IL1RAPL2: variants seen among roughly 807,000 people sequenced by gnomAD.
IL1RAPL2 encodes the protein interleukin 1 receptor accessory protein like 2.
In IL1RAPL2, 3 loss-of-function variants were observed where a neutral mutation model predicts 44.1. The ratio of observed to expected loss-of-function variants is 0.07; its 90% confidence interval spans 0.03 to 0.18. IL1RAPL2 has a LOEUF of 0.18. Among genes scored for constraint, IL1RAPL2 ranks in the 10% least tolerant of loss-of-function variants. The pLI, the probability that IL1RAPL2 is intolerant of heterozygous loss-of-function variation, is 1.00. For synonymous variants in IL1RAPL2, 181 were observed against 178.8 expected (o/e 1.01, Z -0.10); for missense variants, 391 against 496.4 (o/e 0.79, Z 2.02).
intron 2 of IL1RAPL2, among the ~76,000 whole-genome samples, chrX:104,784,787 T>C (rs966694893): frequency 9.2e-6 from 1 of 108,186 alleles, no homozygotes; most frequent in African/African-American, 3.4e-5. Context: ...GAAAAATCTC[T>C]AAACATCTGT....
At chrX:105,754,995 A>T (rs1371672901) in intron 9 of IL1RAPL2, among the ~76,000 whole-genome samples, 182 bp from the exon 10 acceptor site, 1 of 112,311 alleles carries the variant, frequency 8.9e-6, no homozygotes, top group East Asian at 2.8e-4. Flanking sequence ...CCATTGCATA[A>T]GTTTCAATTC....
chrX:104,890,230 C>T (rs764839280), intron 2 of IL1RAPL2, among the ~76,000 whole-genome samples: 1 of 111,540 alleles, frequency 9.0e-6, no homozygotes, highest in African/African-American at 3.3e-5. Flanking sequence ...CAAGTTTTTG[C>T]TATCGTGAAT....
chrX:105,352,283 C>G (rs2035162214), intron 5 of IL1RAPL2, among the ~76,000 whole-genome samples: 1 of 111,337 alleles, frequency 9.0e-6, no homozygotes, highest in Admixed American at 9.6e-5. Context: ...AATCTGAAAG[C>G]TACTCATTTC....
At chrX:104,948,711 G>C (rs1377675207) in intron 2 of IL1RAPL2, among the ~76,000 whole-genome samples, 2 of 110,863 alleles carry the variant, frequency 1.8e-5, no homozygotes, top group East Asian at 5.7e-4. Context: ...TTTATATGCT[G>C]GATTACGTTT....
intron 2 of IL1RAPL2, among the ~76,000 whole-genome samples, chrX:104,830,512 C>G (rs1921576319): frequency 9.0e-6 from 1 of 111,158 alleles, no homozygotes; most frequent in South Asian, 3.8e-4. Context: ...TCTTATGTCC[C>G]CAAGAAAATT....
chrX:105,113,039 A>G (rs1326349086), intron 2 of IL1RAPL2, among the ~76,000 whole-genome samples: 3 of 112,695 alleles, frequency 2.7e-5, no homozygotes, highest in South Asian at 3.7e-4. Flanking sequence ...TCTGGTAACC[A>G]AAAGCAAGCA....
intron 2 of IL1RAPL2, among the ~76,000 whole-genome samples, chrX:104,676,591 T>C (rs1367826043): frequency 9.0e-6 from 1 of 111,528 alleles, no homozygotes; most frequent in African/African-American, 3.3e-5. Context: ...GAGTTTATCT[T>C]CTCGAGGAGT....
At chrX:105,434,155 C>A (rs1215847610) in intron 5 of IL1RAPL2, among the ~76,000 whole-genome samples, 1 of 111,789 alleles carries the variant, frequency 8.9e-6, no homozygotes, top group Non-Finnish European at 1.9e-5. Flanking sequence ...TAGAGAAAAG[C>A]AAGTTAAGAC....
intron 6 of IL1RAPL2, among the ~76,000 whole-genome samples, chrX:105,630,579 A>G (rs779183659): frequency 9.3e-6 from 1 of 107,211 alleles, no homozygotes; most frequent in Non-Finnish European, 1.9e-5. Context: ...GAAAGGCGCT[A>G]GGGAGAATAA....
At chrX:104,583,185 G>T (rs940209072) in intron 1 of IL1RAPL2, among the ~76,000 whole-genome samples, 2 of 110,483 alleles carry the variant, frequency 1.8e-5, no homozygotes, top group African/African-American at 6.6e-5. Context: ...ACCATGCTTG[G>T]CCCAGGTTTT....
intron 2 of IL1RAPL2, among the ~76,000 whole-genome samples, chrX:104,874,944 G>T (rs1197807824): frequency 1.8e-5 from 2 of 111,612 alleles, no homozygotes; most frequent in Non-Finnish European, 3.8e-5. Context: ...TTTTAGTGGG[G>T]TATACTTATG....
intron 2 of IL1RAPL2, among the ~76,000 whole-genome samples, chrX:104,960,051 A>T (rs891179946): frequency 8.9e-6 from 1 of 112,226 alleles, no homozygotes; most frequent in African/African-American, 3.2e-5. Context: ...TACTGGAAAT[A>T]CACTTATTTA....
At chrX:105,638,587 T>C (rs1801772645) in intron 6 of IL1RAPL2, among the ~76,000 whole-genome samples, 1 of 111,925 alleles carries the variant, frequency 8.9e-6, no homozygotes, top group Non-Finnish European at 1.9e-5. Flanking sequence ...CTAATCAACA[T>C]GAAAGCATTT....
At chrX:105,600,271 C>T (rs949676362) in intron 6 of IL1RAPL2, among the ~76,000 whole-genome samples, 1 of 110,514 alleles carries the variant, frequency 9.0e-6, no homozygotes, top group Non-Finnish European at 1.9e-5. Context: ...CTTCAGTGAA[C>T]ATTTTTATAC....
intron 4 of IL1RAPL2, among the ~76,000 whole-genome samples, chrX:105,247,643 G>T (rs192110707): frequency 1.5e-4 from 15 of 101,018 alleles, no homozygotes. Flanking sequence ...GTGTGTGTGT[G>T]TCTGTATTTA....
chrX:105,542,803 G>A (rs2036755276), intron 6 of IL1RAPL2, among the ~76,000 whole-genome samples: 1 of 102,333 alleles, frequency 9.8e-6, no homozygotes, highest in African/African-American at 3.5e-5. Context: ...GCGGGATCTC[G>A]GCTCACTGCA....
At chrX:104,596,703 C>A (rs1477295454) in intron 1 of IL1RAPL2, among the ~76,000 whole-genome samples, 2 of 111,412 alleles carry the variant, frequency 1.8e-5, no homozygotes, top group African/African-American at 6.5e-5. Flanking sequence ...TTCTCTTGAA[C>A]CCTGGCTCTT....
At position 105,042,272 on chromosome X, in the gene IL1RAPL2, C is replaced by T. The variant is rs778407355; in HGVS notation, c.83-153203C>T. Among the ~76,000 whole-genome samples the T allele has an allele frequency of 7.2e-4, 78 of 108,494 alleles. No individual in the cohort carries two copies. In the South Asian group the frequency reaches 0.02, roughly 27 times the overall value. 94.2% of individuals were successfully genotyped at this position (108,494 alleles called of 115,157 possible). A position where few individuals can be genotyped will look rare whatever the true frequency, so the allele number is the denominator to read the frequency against. On this transcript the variant is annotated intron_variant, in intron 2 of 10. Coordinates refer to ENST00000372582, the MANE Select transcript of IL1RAPL2 (RefSeq NM_017416.2). ...AGCTTCTGCACAGCAAAAGAAACTA[C>T]CATCAGAGTGAACAGGCAACCTACA...
rs889920777 is a variant in IL1RAPL2 at position 104,585,756 on chromosome X, C to G, written c.-20+18705C>G. Among the ~76,000 whole-genome samples the G allele has an allele frequency of 2.7e-5, 3 of 109,822 alleles. No homozygotes were observed. In the South Asian group the frequency reaches 1.2e-3, roughly 43 times the overall value. On this transcript the variant is annotated intron_variant, in intron 1 of 10. Coordinates refer to ENST00000372582, the MANE Select transcript of IL1RAPL2 (RefSeq NM_017416.2). Reference sequence around the variant, plus strand: ...ATGGCCTCCAGCTCCATCCATGTTGCTGCAAAGGACACGATTTCATTCTTT... The same window carrying G: ...ATGGCCTCCAGCTCCATCCATGTTGGTGCAAAGGACACGATTTCATTCTTT...
Sources: gnomAD v4.1 joint callset for allele counts (sites outside exome capture counted in the v4.1 genomes callset) on GRCh38, gnomAD v4.1.1 for gene constraint, MANE v1.5 for transcripts, NCBI Gene and HGNC (gene_info 2026-07-23, HGNC 2026-07-21) for gene names.